Variants in NOC2L observed in about 807,000 individuals in gnomAD.
NOC2L encodes NOC2 like nucleolar associated transcriptional repressor.
NOC2L carries 101 observed loss-of-function variants against 94.2 expected under a neutral mutation model. That is an observed-to-expected ratio of 1.07 (90% CI 0.91 to 1.26). The LOEUF is 1.26. Among genes scored for constraint, NOC2L ranks in the 50% most tolerant of loss-of-function variants. NOC2L has a pLI of 0.00. For missense variants in NOC2L, 1,076 were observed against 980.1 expected, an observed-to-expected ratio of 1.10 and a Z score of -1.31; for synonymous variants, 531 against 413.4, an observed-to-expected ratio of 1.28 and a Z score of -3.45.
At chr1:949,930 G>A (rs1246398839) in intron 12 of NOC2L, among the ~76,000 whole-genome samples, 1 of 152,208 alleles carries the variant, frequency 6.6e-6, no homozygotes, top group Non-Finnish European at 1.5e-5. Context: ...GCCTTCATGA[G>A]GCTGAGAACT....
Position 959,016 on chromosome 1 carries a change from T to G in NOC2L, c.92A>C (p.Glu31Ala). The G allele has an allele frequency of 6.2e-7, 1 of 1,612,436 alleles. No individual in the cohort carries two copies. The highest frequency in any genetic ancestry group is 8.5e-7 in the Non-Finnish European group (1 of 1,179,762). ...ASGFDSESES[E>A]SENSPQAETR... ...CTCCGCTTGTGGAGAATTTTCGGAC[T>G]CGGATTCGGACTCGGAGTCAAAGCC... is the stretch of plus-strand genomic sequence containing the variant. The change falls in exon 2 of 19, where the codon GAG (glutamate) becomes GCG (alanine). Residue 31 changes from glutamate (E) to alanine (A), a missense_variant. This residue lies in a region of NOC2L where 457 missense variants were observed against 386.0 expected (regional missense o/e 1.18). Coordinates refer to ENST00000327044, the MANE Select transcript of NOC2L (RefSeq NM_015658.4).
At chr1:956,315 C>T (rs1642400349) in intron 4 of NOC2L, 100 bp from the exon 5 acceptor site, 1 of 1,412,104 alleles carries the variant, frequency 7.1e-7, no homozygotes, top group South Asian at 1.2e-5. Context: ...CCCTCACCCT[C>T]AGACATAGGG....
chr1:950,020 A>G (rs1023047646), intron 12 of NOC2L, among the ~76,000 whole-genome samples: 2 of 152,218 alleles, frequency 1.3e-5, no homozygotes, highest in African/African-American at 2.4e-5. Context: ...GAAAGTTGAA[A>G]CTTCGGACTC....
intron 9 of NOC2L, 104 bp from the exon 10 acceptor site, chr1:952,704 G>T: frequency 8.5e-7 from 1 of 1,182,164 alleles, no homozygotes; most frequent in Non-Finnish European, 1.2e-6. Context: ...TCAGAGCTGG[G>T]CCTCGAGGAA....
chr1:944,867 TCATCACTAATTAATCA>T (rs1440980039), intron 18 of NOC2L, 67 bp from the exon 19 acceptor site: 2 of 1,289,644 alleles, frequency 1.6e-6, no homozygotes, highest in African/African-American at 3.0e-5. Flanking sequence ...TAGAGGTTAC[TCATCACTAATTAATCA>T]CGGCACTAAT....
At chr1:944,974 C>T (rs1642053129) in intron 18 of NOC2L, 83 bp downstream of exon 18, 1 of 1,597,572 alleles carries the variant, frequency 6.3e-7, no homozygotes, top group Non-Finnish European at 8.6e-7. Flanking sequence ...TGGCCCAGAG[C>T]CCCACGCCCC....
At position 955,395 on chromosome 1, in the gene NOC2L, C is replaced by A. The variant is rs1026730774; in HGVS notation, c.698+528G>T. On this transcript the variant is annotated intron_variant, in intron 6 of 18. Coordinates refer to ENST00000327044, the MANE Select transcript of NOC2L (RefSeq NM_015658.4). Reference sequence around the variant, plus strand: ...TGGCTGCACAGCCCCGGAACCCCAACGTGCTCCATGCTCTACCAAATGCTT... The same window carrying A: ...TGGCTGCACAGCCCCGGAACCCCAAAGTGCTCCATGCTCTACCAAATGCTT... Among the ~76,000 whole-genome samples the A allele has an allele frequency of 2.0e-5, 3 of 152,254 alleles. 1 individual carries two copies. Among genetic ancestry groups the A allele is most frequent in the South Asian group, 4.1e-4 (2 of 4,830 alleles).
intron 4 of NOC2L, among the ~76,000 whole-genome samples, 192 bp downstream of exon 4, chr1:956,699 TGAA>T (rs1450408246): frequency 1.3e-5 from 2 of 152,190 alleles, no homozygotes; most frequent in East Asian, 1.9e-4. Flanking sequence ...TCACTTGCGC[TGAA>T]GAAGGCTCCA....
intron 6 of NOC2L, 141 bp from the exon 7 acceptor site, chr1:954,223 G>C (rs1050116213): frequency 1.4e-6 from 1 of 729,994 alleles, no homozygotes; most frequent in African/African-American, 1.8e-5. Context: ...AAAAAGCTCA[G>C]GGCCCCTTAC....
At chr1:959,149 A>C in intron 1 of NOC2L, 66 bp downstream of exon 1, 1 of 1,612,052 alleles carries the variant, frequency 6.2e-7, no homozygotes, top group East Asian at 2.2e-5. Flanking sequence ...GAGAGGAGCA[A>C]GAAAAGCCCC....
rs747360955 is a variant in NOC2L, at chr1:953,198, T to C, written c.979A>G (p.Thr327Ala). 9.9e-6 allele frequency: 16 copies of C among 1,612,994 alleles called. No homozygotes were observed. The highest frequency in any genetic ancestry group is 1.4e-5 in the Non-Finnish European group (16 of 1,179,358). ...LSRVCRHKKD[T>A]FLGPVLKQMY... The stretch of plus-strand genomic sequence containing the variant: ...ACCTTGAGGACGGGGCCAAGGAAAG[T>C]GTCCTTCTTGTGCCGGCAGACTCTG... Residue 327 changes from threonine to alanine, a missense_variant, in exon 9 of 19, where the codon ACT becomes GCT. Thr to Ala is a moderately conservative substitution (Grantham distance 58, BLOSUM62 0). Transcript: ENST00000327044.
At chr1:948,085 A>G (rs1443701917) in intron 14 of NOC2L, 46 bp downstream of exon 14, 11 of 1,467,612 alleles carry the variant, frequency 7.5e-6, no homozygotes, top group South Asian at 1.2e-5. Flanking sequence ...AGCCCGTTAT[A>G]AGACAGTCTG....
At chr1:957,316 A>C (rs548642487) in intron 2 of NOC2L, 43 bp from the exon 3 acceptor site, 2 of 1,601,134 alleles carry the variant, frequency 1.2e-6, no homozygotes, top group East Asian at 2.2e-5. Flanking sequence ...AAGTGGAAGT[A>C]GAGGGGGCGG....
At chr1:948,822 C>A (rs1452354442) in intron 12 of NOC2L, among the ~76,000 whole-genome samples, 1 of 151,482 alleles carries the variant, frequency 6.6e-6, no homozygotes, top group African/African-American at 2.4e-5. Context: ...CCTGGCGTGT[C>A]CCCGAGTGGG....
intron 14 of NOC2L, among the ~76,000 whole-genome samples, chr1:947,739 C>T (rs1056298179): frequency 6.6e-6 from 1 of 152,198 alleles, no homozygotes; most frequent in African/African-American, 2.4e-5. Flanking sequence ...CAGGCCAGGC[C>T]TTCCTGCCAC....
rs112890890 is a variant in NOC2L, at chr1:950,205, C to T, written c.1443+922G>A. Among the ~76,000 whole-genome samples, 160 of 152,044 alleles carry T rather than the reference C, an allele frequency of 1.1e-3. 1 individual carries two copies. Among genetic ancestry groups the T allele is most frequent in the African/African-American group, 3.7e-3 (153 of 41,422 alleles). ...GCATGCACCCAAGTGTACAGGTACA[C>T]GCACAGGTACACACGCACAGTACAC... On this transcript the variant is annotated intron_variant, in intron 12 of 18. Coordinates refer to ENST00000327044, the MANE Select transcript of NOC2L (RefSeq NM_015658.4).
At chr1:946,140 A>C (rs781570689) in intron 16 of NOC2L, 33 bp downstream of exon 16, 2 of 1,488,584 alleles carry the variant, frequency 1.3e-6, no homozygotes, top group South Asian at 2.4e-5. Flanking sequence ...AGGAAGTCAC[A>C]ACACACCCCC....
At chr1:954,719 T>C (rs1235797294) in intron 6 of NOC2L, among the ~76,000 whole-genome samples, 1 of 151,686 alleles carries the variant, frequency 6.6e-6, no homozygotes, top group Non-Finnish European at 1.5e-5. Context: ...CCCAGTTACT[T>C]GGGAGGCTAA....
chr1:948,728 T>TCCCCCTGGTCCCTTTGGC, intron 12 of NOC2L, 125 bp from the exon 13 acceptor site: 11 of 665,856 alleles, frequency 1.7e-5, no homozygotes, highest in Non-Finnish European at 2.2e-5. Flanking sequence ...GTCACCCTGG[T>TCCCCCTGGTCCCTTTGGC]CCTCAGGCTT....
Sources: allele counts gnomAD v4.1 joint callset (sites outside exome capture counted in the v4.1 genomes callset), GRCh38; gene constraint gnomAD v4.1.1; regional missense constraint gnomAD v4.1.1; transcripts MANE v1.5; gene names NCBI Gene and HGNC (gene_info 2026-07-23, HGNC 2026-07-21).